The following CSNK2A1 variants were observed in gnomAD, a reference collection of about 807,000 sequenced individuals.
CSNK2A1 encodes casein kinase 2 alpha 1.
Under a neutral mutation model 62.9 loss-of-function variants are expected in CSNK2A1, and 10 were observed. The ratio of observed to expected loss-of-function variants is 0.16; its 90% CI spans 0.10 to 0.27. The LOEUF is 0.27. CSNK2A1 is among the 10% of genes least tolerant of loss of function. The pLI is 1.00. For synonymous variants in CSNK2A1, 124 were observed against 167.8 expected, an observed-to-expected ratio of 0.74 and a Z score of 2.02; for missense variants, 160 against 492.0, an observed-to-expected ratio of 0.33 and a Z score of 6.38.
intron 9 of CSNK2A1, among the ~76,000 whole-genome samples, chr20:490,193 G>C (rs1008455782): frequency 5.3e-5 from 8 of 150,034 alleles, no homozygotes; most frequent in African/African-American, 2.0e-4. Context: ...CACCATGCCT[G>C]GCTAATTTTG....
At chr20:491,693 C>T (rs1453127635) in intron 9 of CSNK2A1, among the ~76,000 whole-genome samples, 1 of 151,622 alleles carries the variant, frequency 6.6e-6, no homozygotes, top group African/African-American at 2.4e-5. Context: ...AAAGGCCGGG[C>T]GTGGTGGCTC....
chr20:504,302 T>C (rs1027197889), intron 4 of CSNK2A1: 1 of 152,230 alleles, frequency 6.6e-6, no homozygotes, highest in Non-Finnish European at 1.5e-5. Flanking sequence ...AAAGACAGTA[T>C]AAGTGTTATA....
At chr20:541,289 C>T (rs1415616143) in intron 1 of CSNK2A1, among the ~76,000 whole-genome samples, 4 of 152,092 alleles carry the variant, frequency 2.6e-5, no homozygotes, top group South Asian at 4.2e-4. Flanking sequence ...CTGCCAAGTT[C>T]CTTTTGCCAT....
intron 2 of CSNK2A1, among the ~76,000 whole-genome samples, chr20:513,849 T>A (rs955523903): frequency 7.9e-5 from 12 of 152,212 alleles, no homozygotes; most frequent in Admixed American, 2.0e-4. Context: ...ACAAGCTAAC[T>A]ATTTTTGCAG....
chr20:507,679 TAC>T (rs1470849221), intron 3 of CSNK2A1: 1 of 152,216 alleles, frequency 6.6e-6, no homozygotes, highest in African/African-American at 2.4e-5. Context: ...AGAAAGAAGT[TAC>T]CTCTTTGGAG....
At chr20:508,081 T>TA (rs1463466022) in intron 3 of CSNK2A1, 3 of 170,552 alleles carry the variant, frequency 1.8e-5, no homozygotes, top group Non-Finnish European at 3.7e-5. Flanking sequence ...CTGTTGATGT[T>TA]ACGATGACAT....
chr20:487,176 C>G, intron 12 of CSNK2A1: 1 of 529,724 alleles, frequency 1.9e-6, no homozygotes, highest in African/African-American at 1.9e-5. Context: ...CAGACTGAGG[C>G]ACTGAGAAGT....
chr20:497,926 T>C (rs180981244), intron 6 of CSNK2A1, 146 bp from the exon 7 acceptor site: 3 of 631,984 alleles, frequency 4.7e-6, no homozygotes, highest in Non-Finnish European at 8.3e-6. Flanking sequence ...TCTCCAACAT[T>C]ACATTAACTT....
chr20:497,598 T>C (rs1038829474), intron 7 of CSNK2A1, 123 bp downstream of exon 7: 12 of 761,828 alleles, frequency 1.6e-5, no homozygotes, highest in Non-Finnish European at 2.1e-5. Context: ...TAAAAACTTA[T>C]ATAGAGGTCC....
intron 6 of CSNK2A1, chr20:498,495 CATGCCCAGCCACA>C (rs1249597143): frequency 3.9e-5 from 6 of 152,298 alleles, no homozygotes; most frequent in African/African-American, 1.4e-4. Flanking sequence ...CGAAAGCCAC[CATGCCCAGCCACA>C]GGTACGTCTC....
chr20:477,789 C>G lies in CSNK2A1; in HGVS notation c.*6172G>C, dbSNP rs568081602. On this transcript the variant is annotated 3_prime_UTR_variant, in exon 14 of 14. Coordinates refer to ENST00000217244, the MANE Select transcript of CSNK2A1 (RefSeq NM_177559.3). ...GGCGGATCACCTGAGGTCGGGAGTT[C>G]GAGACCAGCCTGACCAACATGGAGA... 1.3e-5 allele frequency: 2 copies of G among 152,180 alleles called. No homozygotes were observed. Among genetic ancestry groups the G allele is most frequent in the Admixed American group, 1.3e-4 (2 of 15,270 alleles). 9.4% of individuals were successfully genotyped at this position (152,180 alleles called of 1,614,324 possible).
Position 478,702 on chromosome 20 carries a change from G to C in CSNK2A1, c.*5259C>G. 1 of 400,440 alleles carries C rather than the reference G, an allele frequency of 2.5e-6. No individual in the cohort carries two copies. The highest frequency in any genetic ancestry group is 4.9e-6 in the Non-Finnish European group (1 of 203,674). 24.8% of individuals were successfully genotyped at this position (400,440 alleles called of 1,614,324 possible). On this transcript the variant is annotated 3_prime_UTR_variant, in exon 14 of 14. Coordinates refer to ENST00000217244, the MANE Select transcript of CSNK2A1 (RefSeq NM_177559.3). ...TCAGCACTTTGGGAGGCCAAGGCGG[G>C]TAGACTGTTGAGCTCAGGAGTTCAA...
intron 2 of CSNK2A1, among the ~76,000 whole-genome samples, chr20:509,937 G>A (rs2018681594): frequency 6.6e-6 from 1 of 152,158 alleles, no homozygotes; most frequent in African/African-American, 2.4e-5. Context: ...ATTTAAAAAG[G>A]GGGAAGGGGT....
chr20:488,961 G>T, intron 10 of CSNK2A1, 183 bp from the exon 11 acceptor site: 1 of 490,676 alleles, frequency 2.0e-6, no homozygotes, highest in Admixed American at 4.0e-5. Flanking sequence ...TTTATAAACT[G>T]GTTTCTTCCT....
chr20:487,204 A>C, intron 12 of CSNK2A1: 1 of 616,638 alleles, frequency 1.6e-6, no homozygotes, highest in Non-Finnish European at 2.8e-6. Flanking sequence ...TCACAGTATG[A>C]AAAGAGTTTA....
intron 2 of CSNK2A1, among the ~76,000 whole-genome samples, chr20:525,836 T>TAAAAA (rs397864425): frequency 5.6e-5 from 4 of 71,050 alleles, no homozygotes; most frequent in African/African-American, 1.0e-4. Context: ...TTAAAACTAT[T>TAAAAA]AAAAAAAAAA....
chr20:517,226 A>C (rs548164931), intron 2 of CSNK2A1, among the ~76,000 whole-genome samples: 56 of 152,358 alleles, frequency 3.7e-4, no homozygotes, highest in African/African-American at 1.3e-3. Flanking sequence ...ACTGATTAGA[A>C]GGCCAACTTA....
intron 11 of CSNK2A1, 127 bp from the exon 12 acceptor site, chr20:487,702 G>T (rs975712741): frequency 1.5e-6 from 2 of 1,310,966 alleles, no homozygotes; most frequent in African/African-American, 2.9e-5. Flanking sequence ...ACTCAAGAGG[G>T]TAGTCTTGCA....
intron 4 of CSNK2A1, chr20:502,094 G>A (rs551057951): frequency 6.6e-6 from 1 of 152,300 alleles, no homozygotes; most frequent in African/African-American, 2.4e-5. Context: ...TGCTGAAAGG[G>A]ACTATACTCG....
Sources: allele counts gnomAD v4.1 joint callset (sites outside exome capture counted in the v4.1 genomes callset), GRCh38; gene constraint gnomAD v4.1.1; transcripts MANE v1.5; gene names NCBI Gene and HGNC (gene_info 2026-07-23, HGNC 2026-07-21).